The following CTNND2 variants were observed in gnomAD, a reference collection of about 807,000 sequenced individuals.
The protein encoded by CTNND2 is catenin delta 2.
CTNND2 carries 22 observed loss-of-function variants against 144.4 expected under a neutral mutation model. That is an observed-to-expected ratio of 0.15 (90% CI 0.11 to 0.22). The LOEUF (loss-of-function observed/expected upper bound fraction) is 0.22. CTNND2 is among the 10% of genes least tolerant of loss of function. The probability of loss-of-function intolerance (pLI) is 1.00; values close to 1 mark genes in which losing one functional copy is unlikely to be tolerated. For synonymous variants in CTNND2, 751 were observed against 695.6 expected, an observed-to-expected ratio of 1.08 and a Z score of -1.25; for missense variants, 1,353 against 1,618.8, an observed-to-expected ratio of 0.84 and a Z score of 2.82.
chr5:11,708,166 C>T (rs10079094), intron 2 of CTNND2, among the ~76,000 whole-genome samples: 19,873 of 151,878 alleles, frequency 0.13, 2,984 homozygotes, highest in African/African-American at 0.37. Flanking sequence ...CCCACTTCAG[C>T]CTCCCAAGTA....
At chr5:11,354,353 G>A (rs1048477881) in intron 8 of CTNND2, among the ~76,000 whole-genome samples, 2 of 152,158 alleles carry the variant, frequency 1.3e-5, no homozygotes, top group Admixed American at 1.3e-4. Context: ...TGAATAAGAG[G>A]CTCAAAAAGA....
intron 1 of CTNND2, among the ~76,000 whole-genome samples, chr5:11,791,692 GT>G (rs1791144206): frequency 6.6e-6 from 1 of 152,148 alleles, no homozygotes; most frequent in Non-Finnish European, 1.5e-5. Context: ...TATGAAAGTG[GT>G]TCACGAAAAC....
chr5:11,205,814 A>G (rs1221642313), intron 10 of CTNND2, among the ~76,000 whole-genome samples: 1 of 152,226 alleles, frequency 6.6e-6, no homozygotes, highest in African/African-American at 2.4e-5. Flanking sequence ...AGGTGAACCA[A>G]GATGAGCTAT....
intron 1 of CTNND2, among the ~76,000 whole-genome samples, chr5:11,885,969 TG>T: frequency 6.6e-6 from 1 of 151,972 alleles, no homozygotes; most frequent in East Asian, 1.9e-4. Context: ...TAAAATTTAT[TG>T]AAACAAATAA....
intron 1 of CTNND2, among the ~76,000 whole-genome samples, chr5:11,883,332 C>A (rs944278832): frequency 6.6e-6 from 1 of 152,076 alleles, no homozygotes; most frequent in Non-Finnish European, 1.5e-5. Flanking sequence ...CCCTCCCCTA[C>A]CGCCCCACAC....
intron 16 of CTNND2, among the ~76,000 whole-genome samples, chr5:11,031,165 C>T (rs1743434266): frequency 1.3e-5 from 2 of 152,130 alleles, no homozygotes; most frequent in African/African-American, 4.8e-5. Context: ...TCTTTAAATC[C>T]TCTGAAAATA....
chr5:11,682,443 T>C (rs180794081), intron 2 of CTNND2, among the ~76,000 whole-genome samples: 1 of 152,338 alleles, frequency 6.6e-6, no homozygotes, highest in East Asian at 1.9e-4. Context: ...TTCCTAAAAA[T>C]GTGAAAATGT....
intron 16 of CTNND2, among the ~76,000 whole-genome samples, chr5:11,043,776 T>C (rs1744935932): frequency 6.6e-6 from 1 of 152,158 alleles, no homozygotes; most frequent in Non-Finnish European, 1.5e-5. Context: ...TTTATTGAGA[T>C]GGGATTTCAC....
At chr5:11,469,217 G>A (rs1311095074) in intron 3 of CTNND2, among the ~76,000 whole-genome samples, 1 of 152,158 alleles carries the variant, frequency 6.6e-6, no homozygotes, top group African/African-American at 2.4e-5. Context: ...AAAGTTGCAT[G>A]TGATTTCTCC....
chr5:11,453,816 T>G (rs747103904), intron 3 of CTNND2, among the ~76,000 whole-genome samples: 4 of 152,202 alleles, frequency 2.6e-5, no homozygotes, highest in Non-Finnish European at 4.4e-5. Flanking sequence ...CTCTTCCTTT[T>G]AAAACTTATT....
intron 1 of CTNND2, among the ~76,000 whole-genome samples, chr5:11,796,932 T>C (rs575133567): frequency 2.0e-4 from 31 of 152,316 alleles, no homozygotes; most frequent in African/African-American, 6.5e-4. Flanking sequence ...GTAACTATTA[T>C]TGTCTTTGAT....
rs1242037971 is a variant in CTNND2, at chr5:11,117,571, C to A, written c.2160-4G>T. On this transcript the variant is annotated splice_polypyrimidine_tract_variant and splice_region_variant and intron_variant, in intron 12 of 21. Transcript: ENST00000304623. ...CTCTCCGGCCGAACTAACATTCCTGCAAAGCAAAAGGACACGTCAGCGATC... is the reference window on the plus strand; with the variant it reads ...CTCTCCGGCCGAACTAACATTCCTGAAAAGCAAAAGGACACGTCAGCGATC... The A allele has an allele frequency of 1.2e-6, 2 of 1,611,666 alleles. No individual in the cohort carries two copies. Among genetic ancestry groups the A allele is most frequent in the Admixed American group, 1.7e-5 (1 of 59,990 alleles).
intron 15 of CTNND2, among the ~76,000 whole-genome samples, chr5:11,087,718 G>A (rs1038042235): frequency 7.2e-5 from 11 of 152,114 alleles, no homozygotes; most frequent in Non-Finnish European, 1.6e-4. Flanking sequence ...ACAAATTTTG[G>A]TTAAGGCAAT....
intron 8 of CTNND2, among the ~76,000 whole-genome samples, chr5:11,363,578 T>A (rs1756669714): frequency 6.6e-6 from 1 of 152,212 alleles, no homozygotes; most frequent in African/African-American, 2.4e-5. Context: ...GTATTATTAA[T>A]ATTGGGTGGC....
intron 19 of CTNND2, among the ~76,000 whole-genome samples, chr5:10,990,636 C>T (rs1301581905): frequency 1.3e-5 from 2 of 152,144 alleles, no homozygotes; most frequent in Non-Finnish European, 2.9e-5. Context: ...CCAATATTGC[C>T]CAGATGGTGG....
chr5:11,240,028 G>A (rs1742049397), intron 9 of CTNND2, among the ~76,000 whole-genome samples: 1 of 152,032 alleles, frequency 6.6e-6, no homozygotes, highest in Non-Finnish European at 1.5e-5. Flanking sequence ...ATGAAGAAAG[G>A]GCTTGGACAT....
At chr5:11,714,285 T>C (rs1261376125) in intron 2 of CTNND2, among the ~76,000 whole-genome samples, 1 of 152,194 alleles carries the variant, frequency 6.6e-6, no homozygotes, top group African/African-American at 2.4e-5. Flanking sequence ...TTAAATGTTT[T>C]TATTTTCCTA....
intron 1 of CTNND2, among the ~76,000 whole-genome samples, chr5:11,737,157 A>G (rs1787730366): frequency 6.6e-6 from 1 of 152,102 alleles, no homozygotes; most frequent in Non-Finnish European, 1.5e-5. Flanking sequence ...TCCTGCTGCC[A>G]GGCTGGTCCA....
At chr5:11,037,579 T>C (rs1250501484) in intron 16 of CTNND2, among the ~76,000 whole-genome samples, 1 of 152,092 alleles carries the variant, frequency 6.6e-6, no homozygotes, top group Non-Finnish European at 1.5e-5. Flanking sequence ...TAATCCAAGA[T>C]CAACAAAACA....
Sources: allele counts gnomAD v4.1 joint callset (sites outside exome capture counted in the v4.1 genomes callset), GRCh38; gene constraint gnomAD v4.1.1; transcripts MANE v1.5; gene names NCBI Gene and HGNC (gene_info 2026-07-23, HGNC 2026-07-21).